The following USP33 variants were observed in gnomAD, a reference collection of about 807,000 sequenced individuals.
The protein encoded by USP33 is ubiquitin specific peptidase 33.
In USP33, 46 loss-of-function variants were observed where a neutral mutation model predicts 124.2. The ratio of observed to expected loss-of-function variants is 0.37; its 90% CI spans 0.29 to 0.47. The LOEUF (loss-of-function observed/expected upper bound fraction) is 0.47. Among genes scored for constraint, USP33 ranks in the 20% least tolerant of loss-of-function variants. USP33 has a pLI of 0.99. For synonymous variants in USP33, 350 were observed against 352.3 expected, an observed-to-expected ratio of 0.99 and a Z score of 0.07; for missense variants, 851 against 1,070.6, an observed-to-expected ratio of 0.79 and a Z score of 2.86.
chr1:77,720,047 C>G (rs570182859), intron 15 of USP33, among the ~76,000 whole-genome samples: 2 of 151,262 alleles, frequency 1.3e-5, no homozygotes, highest in African/African-American at 2.4e-5. Context: ...GTAGTCCCAG[C>G]TACTTGAGAG....
chr1:77,741,028 G>A (rs1679060992), intron 3 of USP33, 89 bp from the exon 4 acceptor site: 7 of 940,350 alleles, frequency 7.4e-6, no homozygotes, highest in Non-Finnish European at 9.4e-6. Flanking sequence ...TTACAATTAA[G>A]TTTGGATTAC....
chr1:77,740,855 A>G (rs1211648150), intron 4 of USP33, 22 bp downstream of exon 4: 1 of 1,532,454 alleles, frequency 6.5e-7, no homozygotes, highest in East Asian at 2.4e-5. Context: ...CAAGTCTTCC[A>G]TTAAATTTTT....
At chr1:77,747,307 T>G (rs983969252) in intron 1 of USP33, among the ~76,000 whole-genome samples, 3 of 145,918 alleles carry the variant, frequency 2.1e-5, no homozygotes, top group Admixed American at 1.5e-4. Context: ...CTCAGGGGAG[T>G]GCAGTGGCAT....
At chr1:77,723,842 T>G (rs577503795) in intron 11 of USP33, among the ~76,000 whole-genome samples, 5 of 152,150 alleles carry the variant, frequency 3.3e-5, no homozygotes, top group African/African-American at 1.2e-4. Flanking sequence ...TTTTTTGTAT[T>G]TTTAGTAGAG....
chr1:77,709,876 T>TAC (rs1243171871), intron 21 of USP33, among the ~76,000 whole-genome samples: 3 of 116,374 alleles, frequency 2.6e-5, no homozygotes, highest in East Asian at 2.4e-4. Context: ...TATACATGCA[T>TAC]ACACATACAC....
At position 77,741,545 on chromosome 1, in the gene USP33, G is replaced by A. The variant is rs1005729028; in HGVS notation, c.81+72C>T. ...AAAATACTGCTCATAGAGTATTACA[G>A]TAATTTATGAAAATTACACATTCAA... On this transcript the variant is annotated intron_variant, in intron 2 of 23. Coordinates refer to ENST00000370794, the MANE Select transcript of USP33 (RefSeq NM_201624.3). The A allele has an allele frequency of 5.2e-6, 8 of 1,543,188 alleles. No individual in the cohort carries two copies. The Admixed American group carries it at 1.7e-4, about 33-fold the overall frequency.
At chr1:77,705,701 C>T (rs1674549580) in intron 21 of USP33, among the ~76,000 whole-genome samples, 1 of 151,976 alleles carries the variant, frequency 6.6e-6, no homozygotes, top group Non-Finnish European at 1.5e-5. Flanking sequence ...AAGGTGTAAT[C>T]CTCCCACTCT....
chr1:77,751,008 G>T (rs935339776), intron 1 of USP33, among the ~76,000 whole-genome samples: 1 of 152,166 alleles, frequency 6.6e-6, no homozygotes, highest in Admixed American at 6.5e-5. Flanking sequence ...CACAGGAGAT[G>T]AGTATTAGAC....
chr1:77,728,764 A>T, intron 9 of USP33, 52 bp from the exon 10 acceptor site: 1 of 1,535,978 alleles, frequency 6.5e-7, no homozygotes, highest in Non-Finnish European at 8.8e-7. Flanking sequence ...TGTATATAGA[A>T]ACGTAAGGGA....
Position 77,714,106 on chromosome 1 carries a change from G to A in USP33, c.2215+508C>T, listed in dbSNP as rs538384204. On this transcript the variant is annotated intron_variant, in intron 19 of 23. Transcript: ENST00000370794. ...CACAGCCAATCTCACAAGGGCCAAAGTTATATTTAATTATGAGGCTTTTTT... is the reference window on the plus strand; with the variant it reads ...CACAGCCAATCTCACAAGGGCCAAAATTATATTTAATTATGAGGCTTTTTT... 1.5e-3 allele frequency among the ~76,000 whole-genome samples: 223 copies of A among 152,210 alleles called. 2 individuals are homozygous for A. Among genetic ancestry groups the A allele is most frequent in the African/African-American group, 5.1e-3 (213 of 41,528 alleles).
intron 22 of USP33, among the ~76,000 whole-genome samples, chr1:77,699,336 C>T (rs191053051): frequency 2.4e-4 from 36 of 152,250 alleles, no homozygotes; most frequent in Admixed American, 2.4e-3. Context: ...ACCTGGCTAA[C>T]ATGGTGAAAC....
intron 9 of USP33, 88 bp from the exon 10 acceptor site, chr1:77,728,800 TTA>T: frequency 7.2e-7 from 1 of 1,396,270 alleles, no homozygotes. Flanking sequence ...CATTACAAAC[TTA>T]TATATGAAGG....
At position 77,743,236 on chromosome 1, in the gene USP33, C is replaced by A. The variant is rs542189983; in HGVS notation, c.-51-1488G>T. Among the ~76,000 whole-genome samples the A allele has an allele frequency of 2.4e-4, 36 of 152,176 alleles. No individual in the cohort carries two copies. In the South Asian group the frequency reaches 6.8e-3, roughly 29 times the overall value. The stretch of plus-strand genomic sequence containing the variant: ...CTGGGATTACAGGTGTGAGCCACTG[C>A]GCCTGGCCTCTGTCTGCCTTTTAAA... On this transcript the variant is annotated intron_variant, in intron 1 of 23. Transcript: ENST00000370794.
At chr1:77,728,015 A>T (rs1345127760) in intron 10 of USP33, among the ~76,000 whole-genome samples, 4 of 152,228 alleles carry the variant, frequency 2.6e-5, no homozygotes, top group African/African-American at 2.4e-5. Context: ...AAAATAAAAG[A>T]GAAAATTCTG....
chr1:77,721,885 C>G lies in USP33; in HGVS notation c.1603G>C (p.Val535Leu). The change falls in exon 14 of 24, where the codon GTA becomes CTA. Residue 535 changes from valine (V) to leucine (L), a missense_variant. Coordinates refer to ENST00000370794, the MANE Select transcript of USP33 (RefSeq NM_201624.3). ...GCAAGACAATCTTGCAAGGTTACTA[C>G]TGGACCCCAAAACCAGCTAGGGACA... ...SCVPSWFWGP[V>L]VTLQDCLAAF... is the part of the protein sequence containing the mutation. 6.2e-7 allele frequency: 1 copy of G among 1,610,774 alleles called. No individual in the cohort carries two copies. Among genetic ancestry groups the G allele is most frequent in the Non-Finnish European group, 8.5e-7 (1 of 1,179,232 alleles).
intron 1 of USP33, among the ~76,000 whole-genome samples, chr1:77,742,040 T>C (rs1273279111): frequency 6.6e-6 from 1 of 151,994 alleles, no homozygotes; most frequent in Non-Finnish European, 1.5e-5. Flanking sequence ...GCTTTTCCCC[T>C]CTCATTTCAC....
chr1:77,700,792 G>A (rs1250774390), intron 22 of USP33, among the ~76,000 whole-genome samples: 2 of 149,848 alleles, frequency 1.3e-5, no homozygotes, highest in African/African-American at 2.5e-5. Context: ...CCTCCGCCTC[G>A]TGGATTCAAG....
rs367806837 is a variant in USP33 at position 77,713,304 on chromosome 1, C to T, written c.2216-23G>A. Reference sequence around the variant, plus strand: ...CACCTAAAAAAATATATAAACATATCTGTTTCATGCTTTTAATTATATTCC... The same window carrying T: ...CACCTAAAAAAATATATAAACATATTTGTTTCATGCTTTTAATTATATTCC... On this transcript the variant is annotated intron_variant, in intron 19 of 23. Coordinates refer to ENST00000370794, the MANE Select transcript of USP33 (RefSeq NM_201624.3). 3.9e-6 allele frequency: 6 copies of T among 1,543,748 alleles called. No individual in the cohort carries two copies. In the African/African-American group the frequency reaches 7.1e-5, roughly 18 times the overall value.
chr1:77,700,981 G>T (rs747730533), intron 22 of USP33, among the ~76,000 whole-genome samples: 3 of 152,132 alleles, frequency 2.0e-5, no homozygotes, highest in Non-Finnish European at 4.4e-5. Flanking sequence ...TTATGGGCGT[G>T]AGCCACCGTG....
Sources: allele counts gnomAD v4.1 joint callset (sites outside exome capture counted in the v4.1 genomes callset), GRCh38; gene constraint gnomAD v4.1.1; transcripts MANE v1.5; gene names NCBI Gene and HGNC (gene_info 2026-07-23, HGNC 2026-07-21).